Variants in DAB1 observed in about 807,000 individuals in gnomAD.
DAB1 encodes DAB adaptor protein 1, also known as disabled homolog 1.
Under a neutral mutation model 64.6 loss-of-function variants are expected in DAB1, and 15 were observed. The observed-to-expected ratio is 0.23, with a 90% CI of 0.16 to 0.36. The LOEUF (loss-of-function observed/expected upper bound fraction) is 0.36, where lower values mean the gene tolerates loss of function less well. Ranked by LOEUF, DAB1 falls within the 10% of genes least tolerant of loss-of-function variation. The pLI, the probability that DAB1 is intolerant of heterozygous loss-of-function variation, is 1.00. For synonymous variants in DAB1, 235 were observed against 251.9 expected (o/e 0.93, Z 0.64); for missense variants, 596 against 706.7 (o/e 0.84, Z 1.78).
intron 3 of DAB1, among the ~76,000 whole-genome samples, chr1:58,383,202 TAAAC>T (rs1014886496): frequency 3.3e-5 from 5 of 152,330 alleles, no homozygotes; most frequent in Admixed American, 6.5e-5. Context: ...TTTATATAGA[TAAAC>T]AAACTTGAGT....
rs78153828 is a variant in DAB1, at chr1:57,588,036, C to T, written n.625+61556G>A. ...CTCTCTCAAATTCTAAAGTCTTTCT[C>T]TGTCCCTCTCCCCACATAATTACAT... On this transcript the variant is annotated intron_variant and non_coding_transcript_variant, in intron 7 of 20. Coordinates refer to the DAB1 transcript ENST00000485760. Among the ~76,000 whole-genome samples, 661 of 152,364 alleles carry T rather than the reference C, an allele frequency of 4.3e-3. 6 individuals are homozygous for T. The highest frequency in any genetic ancestry group is 0.015 in the African/African-American group (608 of 41,586).
chr1:57,168,766 G>C (rs1198029212), intron 2 of DAB1, among the ~76,000 whole-genome samples: 1 of 152,070 alleles, frequency 6.6e-6, no homozygotes, highest in Admixed American at 6.6e-5. Context: ...AAGAAATAGA[G>C]AGAAATCAGC....
intron 3 of DAB1, among the ~76,000 whole-genome samples, chr1:58,345,763 C>A (rs1022332593): frequency 6.6e-6 from 1 of 152,136 alleles, no homozygotes; most frequent in Non-Finnish European, 1.5e-5. Flanking sequence ...TCCTCACCCA[C>A]CCCCATCCCA....
chr1:58,453,893 G>T (rs1194303364), intron 3 of DAB1, among the ~76,000 whole-genome samples: 1 of 152,066 alleles, frequency 6.6e-6, no homozygotes, highest in Non-Finnish European at 1.5e-5. Flanking sequence ...TCCCAGGCCT[G>T]CCCAGCCTCT....
intron 9 of DAB1, among the ~76,000 whole-genome samples, chr1:57,035,174 G>T (rs1181160413): frequency 6.6e-6 from 1 of 152,120 alleles, no homozygotes; most frequent in Non-Finnish European, 1.5e-5. Context: ...AGAGGTTAAG[G>T]TTATGTCGCT....
At chr1:57,769,620 G>A (rs951851261) in intron 6 of DAB1, among the ~76,000 whole-genome samples, 1 of 152,172 alleles carries the variant, frequency 6.6e-6, no homozygotes, top group South Asian at 2.1e-4. Context: ...CTAAGGGACA[G>A]GCCCAGGAAA....
chr1:57,608,034 C>T (rs1570670193), intron 7 of DAB1, among the ~76,000 whole-genome samples: 3 of 152,120 alleles, frequency 2.0e-5, no homozygotes, highest in Admixed American at 2.0e-4. Context: ...CCTCTACTCC[C>T]ATATGCAGCT....
At chr1:57,800,825 C>T (rs184875306) in intron 6 of DAB1, among the ~76,000 whole-genome samples, 156 of 152,292 alleles carry the variant, frequency 1.0e-3, no homozygotes, top group Middle Eastern at 3.4e-3. Flanking sequence ...GAGATGAGTG[C>T]TACCCTTAAA....
chr1:58,329,859 C>T (rs1327650327), intron 4 of DAB1, among the ~76,000 whole-genome samples: 1 of 152,112 alleles, frequency 6.6e-6, no homozygotes, highest in Admixed American at 6.5e-5. Context: ...CCACCACTGG[C>T]CATTCCCTAT....
chr1:57,906,805 C>T (rs553063085), intron 5 of DAB1, among the ~76,000 whole-genome samples: 35 of 152,232 alleles, frequency 2.3e-4, no homozygotes, highest in African/African-American at 8.4e-4. Flanking sequence ...AGTCCCTTCT[C>T]GTTCTAAAAT....
intron 4 of DAB1, among the ~76,000 whole-genome samples, chr1:57,112,231 C>A (rs780378718): frequency 6.6e-6 from 1 of 152,160 alleles, no homozygotes; most frequent in Admixed American, 6.5e-5. Context: ...AGAATAGCTG[C>A]AAGGCCCTGT....
At chr1:57,148,004 G>A (rs1398524804) in intron 2 of DAB1, among the ~76,000 whole-genome samples, 5 of 152,056 alleles carry the variant, frequency 3.3e-5, no homozygotes, top group African/African-American at 9.7e-5. Context: ...TCTTTTCTAC[G>A]CAACTTTCTT....
intron 1 of DAB1, among the ~76,000 whole-genome samples, chr1:57,400,775 A>C (rs1683179934): frequency 6.6e-6 from 1 of 151,952 alleles, no homozygotes; most frequent in Non-Finnish European, 1.5e-5. Flanking sequence ...CCATCTAGAC[A>C]CATTACACAA....
chr1:57,493,681 T>C (rs1410795313), intron 7 of DAB1, among the ~76,000 whole-genome samples: 4 of 151,812 alleles, frequency 2.6e-5, no homozygotes, highest in Non-Finnish European at 2.9e-5. Flanking sequence ...AGATATTTAC[T>C]AGAAGTATTC....
chr1:57,095,633 T>C (rs958452022), intron 4 of DAB1, among the ~76,000 whole-genome samples: 1 of 152,188 alleles, frequency 6.6e-6, no homozygotes, highest in African/African-American at 2.4e-5. Context: ...CATATTTTAT[T>C]ACAGTCAAGA....
intron 7 of DAB1, among the ~76,000 whole-genome samples, chr1:57,627,717 G>A (rs776266695): frequency 6.6e-6 from 1 of 152,188 alleles, no homozygotes; most frequent in African/African-American, 2.4e-5. Context: ...GCCTAAGTAG[G>A]ATTTGAACCA....
intron 5 of DAB1, among the ~76,000 whole-genome samples, chr1:58,125,902 G>A (rs1052754849): frequency 2.0e-5 from 3 of 152,028 alleles, no homozygotes; most frequent in African/African-American, 7.2e-5. Context: ...CTCATGCTTT[G>A]GGGTGGAGGG....
intron 2 of DAB1, among the ~76,000 whole-genome samples, chr1:57,192,469 G>A (rs527456849): frequency 6.6e-6 from 1 of 152,310 alleles, no homozygotes; most frequent in South Asian, 2.1e-4. Context: ...CATGAAAGTG[G>A]ATTAATTGAG....
chr1:58,116,649 C>T (rs1307941546), intron 5 of DAB1, among the ~76,000 whole-genome samples: 1 of 152,184 alleles, frequency 6.6e-6, no homozygotes, highest in Non-Finnish European at 1.5e-5. Flanking sequence ...CCTGAGCATT[C>T]CTCTTGCTCT....
Sources: gnomAD v4.1 joint callset for allele counts (sites outside exome capture counted in the v4.1 genomes callset) on GRCh38, gnomAD v4.1.1 for gene constraint, MANE v1.5 for transcripts, NCBI Gene and HGNC (gene_info 2026-07-23, HGNC 2026-07-21) for gene names.